Variants in ATRN observed in about 807,000 individuals in gnomAD.
ATRN encodes attractin-2.
ATRN carries 54 observed loss-of-function variants against 178.7 expected under a neutral mutation model. That is an observed-to-expected ratio of 0.30 (90% CI 0.24 to 0.38). The LOEUF (loss-of-function observed/expected upper bound fraction) is 0.38, where lower values mean the gene tolerates loss of function less well. Among genes scored for constraint, ATRN ranks in the 10% least tolerant of loss-of-function variants. ATRN has a pLI of 1.00. For missense variants in ATRN, 1,443 were observed against 1,815.1 expected, an observed-to-expected ratio of 0.79 and a Z score of 3.73; for synonymous variants, 636 against 663.0, an observed-to-expected ratio of 0.96 and a Z score of 0.63.
intron 1 of ATRN, among the ~76,000 whole-genome samples, chr20:3,496,643 A>G (rs1052092495): frequency 6.6e-6 from 1 of 152,104 alleles, no homozygotes; most frequent in Non-Finnish European, 1.5e-5. Flanking sequence ...GATTTGGGGT[A>G]GAGAGTTCTG....
intron 6 of ATRN, among the ~76,000 whole-genome samples, chr20:3,554,405 G>A (rs1321077339): frequency 2.0e-5 from 3 of 151,144 alleles, no homozygotes; most frequent in South Asian, 2.1e-4. Context: ...GCACAGTCTC[G>A]GCTCACTGCA....
chr20:3,540,649 G>A lies in ATRN; in HGVS notation c.608+314G>A. Among the ~76,000 whole-genome samples the A allele has an allele frequency of 2.6e-5, 4 of 152,262 alleles. No homozygotes were observed. In the South Asian group the frequency reaches 8.3e-4, roughly 32 times the overall value. On this transcript the variant is annotated intron_variant, in intron 3 of 28. Transcript: ENST00000262919. ...TATCATTACAAAATGTTTTGAGAGT[G>A]ATATATTGAATGATACTATTTCTGT...
chr20:3,642,546 C>A (rs971467417), intron 27 of ATRN, among the ~76,000 whole-genome samples: 1 of 152,218 alleles, frequency 6.6e-6, no homozygotes, highest in African/African-American at 2.4e-5. Flanking sequence ...TGTCCCATCT[C>A]TGCCACTATT....
chr20:3,537,061 G>C (rs2085543691), intron 2 of ATRN, among the ~76,000 whole-genome samples: 1 of 152,068 alleles, frequency 6.6e-6, no homozygotes, highest in Non-Finnish European at 1.5e-5. Context: ...GAAAACAACA[G>C]GTCATTGAAT....
At chr20:3,538,015 G>T (rs2085564786) in intron 2 of ATRN, among the ~76,000 whole-genome samples, 1 of 147,436 alleles carries the variant, frequency 6.8e-6, no homozygotes, top group Non-Finnish European at 1.5e-5. Context: ...GTGCAGGTTA[G>T]TTACATATGT....
intron 25 of ATRN, chr20:3,629,265 C>T (rs235549): frequency 0.81 from 797,887 of 985,164 alleles, 324,347 homozygotes; most frequent in East Asian, 1. Flanking sequence ...ACCTTCCTGT[C>T]GTATCTAAAA....
At chr20:3,513,906 G>T (rs1018238313) in intron 1 of ATRN, among the ~76,000 whole-genome samples, 1 of 152,040 alleles carries the variant, frequency 6.6e-6, no homozygotes, top group African/African-American at 2.4e-5. Context: ...TCTGTTATTG[G>T]TGTATAAGAA....
chr20:3,567,275 T>C (rs1442726352), intron 11 of ATRN, among the ~76,000 whole-genome samples: 3 of 152,210 alleles, frequency 2.0e-5, no homozygotes, highest in Non-Finnish European at 4.4e-5. Context: ...CTGTCTTCGT[T>C]TGTGTTCCTA....
chr20:3,512,645 A>G (rs997961894), intron 1 of ATRN, among the ~76,000 whole-genome samples: 3 of 152,166 alleles, frequency 2.0e-5, no homozygotes, highest in Non-Finnish European at 4.4e-5. Context: ...GCTGGGTCAA[A>G]TGGTATTTCT....
intron 24 of ATRN, among the ~76,000 whole-genome samples, chr20:3,607,136 G>A (rs573050216): frequency 4.0e-5 from 6 of 151,774 alleles, no homozygotes; most frequent in Admixed American, 2.6e-4. Flanking sequence ...ATAATTGTAC[G>A]TATTTATGAG....
chr20:3,552,055 T>A (rs2085795010), intron 6 of ATRN, among the ~76,000 whole-genome samples: 1 of 152,206 alleles, frequency 6.6e-6, no homozygotes, highest in Non-Finnish European at 1.5e-5. Context: ...CAGTTATCCT[T>A]CCCTCCTCTT....
At chr20:3,570,855 C>A (rs184958531) in intron 11 of ATRN, among the ~76,000 whole-genome samples, 1 of 152,272 alleles carries the variant, frequency 6.6e-6, no homozygotes, top group Admixed American at 6.5e-5. Context: ...TAGTTGTATT[C>A]ATTGCTCCTG....
intron 1 of ATRN, among the ~76,000 whole-genome samples, chr20:3,505,277 C>T (rs960058232): frequency 4.6e-5 from 7 of 152,210 alleles, no homozygotes; most frequent in African/African-American, 1.7e-4. Context: ...ATCGGAACTC[C>T]AGGCTCTCTG....
chr20:3,472,235 AT>A (rs978051535), intron 1 of ATRN, among the ~76,000 whole-genome samples: 167 of 152,344 alleles, frequency 1.1e-3, no homozygotes, highest in African/African-American at 3.8e-3. Context: ...CAATAAATTA[AT>A]TAGCAGTTAT....
intron 5 of ATRN, among the ~76,000 whole-genome samples, chr20:3,548,856 T>C (rs758868424): frequency 3.9e-4 from 60 of 152,298 alleles, no homozygotes; most frequent in Middle Eastern, 6.8e-3. Flanking sequence ...CTGTATATTT[T>C]ATCCTTAAGA....
chr20:3,597,338 T>C (rs548214435), intron 21 of ATRN, among the ~76,000 whole-genome samples: 2 of 152,124 alleles, frequency 1.3e-5, no homozygotes, highest in South Asian at 4.1e-4. Context: ...ACAATTCCAG[T>C]TAAAAACAGG....
rs762925670 is a variant in ATRN, at chr20:3,609,703, GGTAT to G, written c.3801+5452_3801+5455del. Among the ~76,000 whole-genome samples, 155 of 122,976 alleles carry G rather than the reference GGTAT, an allele frequency of 1.3e-3. 1 individual carries two copies. The highest frequency in any genetic ancestry group is 3.4e-3 in the African/African-American group (103 of 30,586). 80.7% of individuals were successfully genotyped at this position (122,976 alleles called of 152,430 possible). A position where few individuals can be genotyped will look rare whatever the true frequency, so the allele number is the denominator to read the frequency against. On this transcript the variant is annotated intron_variant, in intron 24 of 28. Transcript: ENST00000262919. ...GTGGATGAATGGATAAACAAAATGT[GGTAT>G]GTATGTATGTGTGTGTGTGTGTGTG...
chr20:3,520,356 T>C, intron 1 of ATRN, among the ~76,000 whole-genome samples: 1 of 152,094 alleles, frequency 6.6e-6, no homozygotes, highest in Admixed American at 6.6e-5. Context: ...GGGGAAATGT[T>C]TGACATCTTG....
chr20:3,555,902 C>A (rs759668937), intron 6 of ATRN, among the ~76,000 whole-genome samples: 10 of 152,158 alleles, frequency 6.6e-5, no homozygotes, highest in Admixed American at 1.3e-4. Flanking sequence ...AAGAACCCAT[C>A]ATGGAGGAAA....
Sources: allele counts gnomAD v4.1 joint callset (sites outside exome capture counted in the v4.1 genomes callset), GRCh38; gene constraint gnomAD v4.1.1; transcripts MANE v1.5; gene names NCBI Gene and HGNC (gene_info 2026-07-23, HGNC 2026-07-21).